The following NRG1 variants were observed in gnomAD, a reference collection of about 807,000 sequenced individuals.
NRG1 encodes pro-neuregulin-1, membrane-bound isoform.
NRG1 carries 18 observed loss-of-function variants against 63.8 expected under a neutral mutation model. The observed-to-expected ratio is 0.28, with a 90% CI of 0.19 to 0.42. The LOEUF is 0.42. Ranked by LOEUF, NRG1 falls within the 10% of genes least tolerant of loss-of-function variation. The pLI is 1.00. For missense variants in NRG1, 762 were observed against 814.7 expected (o/e 0.94, Z 0.79); for synonymous variants, 302 against 301.3 (o/e 1.00, Z -0.02).
intron 1 of NRG1, chr8:31,639,550 C>T: frequency 3.5e-6 from 5 of 1,444,120 alleles, no homozygotes; most frequent in Non-Finnish European, 4.6e-6. Context: ...CGCTTGCTCG[C>T]AGCCCCAGCA....
In NRG1 at chr8:32,000,551, G is replaced by C. The variant is rs539256972; in HGVS notation, c.37+361120G>C. Among the ~76,000 whole-genome samples, 125 of 151,920 alleles carry C rather than the reference G, an allele frequency of 8.2e-4. 2 individuals carry two copies. Among genetic ancestry groups the C allele is most frequent in the African/African-American group, 2.8e-3 (114 of 41,448 alleles). On this transcript the variant is annotated intron_variant, in intron 1 of 10. Transcript: ENST00000519301. ...CAAAGTACTGGGATTACAGGCCTGAGCCACCATGCACAGACTTATCCCTCT... is the reference window on the plus strand; with the variant it reads ...CAAAGTACTGGGATTACAGGCCTGACCCACCATGCACAGACTTATCCCTCT...
chr8:31,639,307 C>A, exon 1 of NRG1: 1 of 1,496,628 alleles, frequency 6.7e-7, no homozygotes, highest in Admixed American at 2.0e-5. Flanking sequence ...CATTGCAGCA[C>A]TCGGGGCGAC....
At chr8:31,773,081 A>G (rs1234291709) in intron 1 of NRG1, among the ~76,000 whole-genome samples, 1 of 152,164 alleles carries the variant, frequency 6.6e-6, no homozygotes, top group Non-Finnish European at 1.5e-5. Context: ...AAGGTTGGAA[A>G]CCTGTAATTA....
chr8:32,485,389 A>T (rs888084638), intron 1 of NRG1, among the ~76,000 whole-genome samples: 2 of 144,680 alleles, frequency 1.4e-5, no homozygotes, highest in African/African-American at 5.2e-5. Context: ...TACTGGCGTG[A>T]GCCACACACC....
chr8:32,764,254 A>G, exon 12 of NRG1: 1 of 1,614,124 alleles, frequency 6.2e-7, no homozygotes, highest in Non-Finnish European at 8.5e-7. Context: ...CTGGGCATAC[A>G]GAACCCCCTG....
At chr8:32,196,087 C>T (rs1286215254) in intron 1 of NRG1, among the ~76,000 whole-genome samples, 2 of 149,894 alleles carry the variant, frequency 1.3e-5, no homozygotes, top group South Asian at 4.3e-4. Flanking sequence ...TATGTTAGTG[C>T]CTGTACAAAT....
At chr8:32,291,760 G>C (rs1288395654) in intron 1 of NRG1, among the ~76,000 whole-genome samples, 1 of 151,974 alleles carries the variant, frequency 6.6e-6, no homozygotes, top group Non-Finnish European at 1.5e-5. Context: ...GGCCAGGCTG[G>C]TCTTGAGCTC....
chr8:32,287,373 G>A (rs1287747323), intron 1 of NRG1: 1 of 152,216 alleles, frequency 6.6e-6, no homozygotes, highest in Non-Finnish European at 1.5e-5. Flanking sequence ...ATGGATACAG[G>A]GAGGGGTGCA....
intron 1 of NRG1, among the ~76,000 whole-genome samples, chr8:31,961,657 A>C (rs913347362): frequency 3.3e-5 from 5 of 152,172 alleles, no homozygotes; most frequent in Admixed American, 6.5e-5. Context: ...TGTAAAATTT[A>C]CTATGAAATC....
At chr8:32,705,367 G>A (rs148195982) in intron 5 of NRG1, among the ~76,000 whole-genome samples, 2,987 of 152,198 alleles carry the variant, frequency 0.02, 98 homozygotes, top group African/African-American at 0.067. Context: ...TCCTGACCTT[G>A]TGATCTGCCC....
At chr8:32,205,635 G>A (rs558012632) in intron 1 of NRG1, among the ~76,000 whole-genome samples, 41 of 152,248 alleles carry the variant, frequency 2.7e-4, no homozygotes, top group African/African-American at 9.6e-4. Context: ...TCAAGCATAT[G>A]AGTATTAGGG....
chr8:32,728,206 T>C (rs1315973570), intron 6 of NRG1, 128 bp downstream of exon 6: 1 of 1,496,016 alleles, frequency 6.7e-7, no homozygotes, highest in Non-Finnish European at 8.9e-7. Flanking sequence ...CTGTTTTATA[T>C]GTAGAGTGTT....
At chr8:32,572,351 T>C (rs1162797160) in intron 1 of NRG1, among the ~76,000 whole-genome samples, 1 of 152,218 alleles carries the variant, frequency 6.6e-6, no homozygotes, top group Non-Finnish European at 1.5e-5. Flanking sequence ...CACAGAATGT[T>C]ATCAATATAT....
chr8:31,736,447 C>A (rs1180423867), intron 1 of NRG1, among the ~76,000 whole-genome samples: 1 of 152,058 alleles, frequency 6.6e-6, no homozygotes, highest in East Asian at 1.9e-4. Context: ...TCCCCAACAC[C>A]TAGAACAGTG....
chr8:31,753,702 A>G (rs2131471233), intron 1 of NRG1, among the ~76,000 whole-genome samples: 2 of 152,218 alleles, frequency 1.3e-5, no homozygotes, highest in South Asian at 4.1e-4. Context: ...AGAAAAACTA[A>G]AAACTAGTCC....
At chr8:31,656,002 A>G (rs1805403255) in intron 1 of NRG1, among the ~76,000 whole-genome samples, 1 of 152,208 alleles carries the variant, frequency 6.6e-6, no homozygotes, top group Non-Finnish European at 1.5e-5. Flanking sequence ...ACATGGAAAT[A>G]CCAAGGAAGC....
chr8:32,386,778 C>T (rs1049586899), intron 1 of NRG1, among the ~76,000 whole-genome samples: 15 of 152,178 alleles, frequency 9.9e-5, no homozygotes, highest in African/African-American at 3.4e-4. Flanking sequence ...TTCTGTCTCT[C>T]CTTACTTTCA....
At chr8:32,703,848 G>C (rs1489859832) in intron 5 of NRG1, among the ~76,000 whole-genome samples, 2 of 152,136 alleles carry the variant, frequency 1.3e-5, no homozygotes, top group African/African-American at 4.8e-5. Flanking sequence ...AAAAGTATTG[G>C]CTTCACCAGG....
rs566817310 is a variant in NRG1 at position 32,355,275 on chromosome 8, G to A, written c.38-240553G>A. Among the ~76,000 whole-genome samples the A allele has an allele frequency of 1.3e-3, 192 of 151,998 alleles. 1 individual carries two copies. Among genetic ancestry groups the A allele is most frequent in the African/African-American group, 4.4e-3 (182 of 41,464 alleles). Reference sequence around the variant, plus strand: ...GGAGTTCAAAACCAGCCTGGGCAACGTGATGAAACCCCATCTCTACTAAAA... The same window carrying A: ...GGAGTTCAAAACCAGCCTGGGCAACATGATGAAACCCCATCTCTACTAAAA... On this transcript the variant is annotated intron_variant, in intron 1 of 10. Coordinates refer to the NRG1 transcript ENST00000519301.
Sources: allele counts gnomAD v4.1 joint callset (sites outside exome capture counted in the v4.1 genomes callset), GRCh38; gene constraint gnomAD v4.1.1; transcripts MANE v1.5; gene names NCBI Gene and HGNC (gene_info 2026-07-23, HGNC 2026-07-21).